Variants in TRIP12 observed in about 807,000 individuals in gnomAD.
The protein encoded by TRIP12 is thyroid hormone receptor interactor 12, also known as E3 ubiquitin-protein ligase TRIP12.
Under a neutral mutation model 244.2 loss-of-function variants are expected in TRIP12, and 25 were observed. That is an observed-to-expected ratio of 0.10 (90% CI 0.07 to 0.14). TRIP12 has a LOEUF of 0.14. TRIP12 is among the 10% of genes least tolerant of loss of function. The probability of loss-of-function intolerance (pLI) is 1.00; values close to 1 mark genes in which losing one functional copy is unlikely to be tolerated. For synonymous variants in TRIP12, 905 were observed against 873.1 expected (o/e 1.04, Z -0.64); for missense variants, 1,677 against 2,486.4 (o/e 0.67, Z 6.92).
At chr2:229,862,861 C>T (rs2060690485) in intron 2 of TRIP12, among the ~76,000 whole-genome samples, 1 of 152,176 alleles carries the variant, frequency 6.6e-6, no homozygotes, top group Non-Finnish European at 1.5e-5. Flanking sequence ...CATGTAAACT[C>T]TCTATATTAT....
intron 1 of TRIP12, among the ~76,000 whole-genome samples, chr2:229,900,381 T>G (rs957084645): frequency 1.3e-5 from 2 of 152,200 alleles, no homozygotes; most frequent in Non-Finnish European, 1.5e-5. Flanking sequence ...ATGTTTAAAT[T>G]CAAATAATTT....
chr2:229,864,047 A>AGAGAGAGAGAGTGT, intron 2 of TRIP12, among the ~76,000 whole-genome samples: 181 of 79,288 alleles, frequency 2.3e-3, no homozygotes, highest in South Asian at 4.1e-3. Flanking sequence ...AGAGAGAGAG[A>AGAGAGAGAGAGTGT]GTGTGTGTGT....
chr2:229,910,186 C>A (rs2073990595), intron 1 of TRIP12, among the ~76,000 whole-genome samples: 1 of 152,188 alleles, frequency 6.6e-6, no homozygotes, highest in Admixed American at 6.5e-5. Flanking sequence ...AACTTTACAA[C>A]TGTCTGAAGA....
chr2:229,923,119 A>T (rs903872417), upstream of TRIP12: 1 of 154,030 alleles, frequency 6.5e-6, no homozygotes, highest in Admixed American at 6.5e-5. Context: ...AGTTATTTCT[A>T]GTAGCAACTG....
chr2:229,803,520 T>G (rs747975721), intron 20 of TRIP12, 51 bp downstream of exon 20: 1 of 1,206,794 alleles, frequency 8.3e-7, no homozygotes, highest in African/African-American at 1.5e-5. Context: ...AAACTTTATT[T>G]CTGTTGAAGT....
chr2:229,792,329 A>AGGTTGAGTATCCCTTATCTGAAAT, intron 27 of TRIP12, 103 bp from the exon 28 acceptor site: 1 of 1,100,186 alleles, frequency 9.1e-7, no homozygotes, highest in East Asian at 2.3e-5. Flanking sequence ...AAACACATAT[A>AGGTTGAGTATCCCTTATCTGAAAT]GGTTGAGTAT....
chr2:229,872,104 TAA>T lies in TRIP12; in HGVS notation c.98+7876_98+7877del, dbSNP rs34496202. ...AATATAGTTTTAATGACAGATATTG[TAA>T]AAAAAAAAAAAAAAAAAAAAAAAAA... On this transcript the variant is annotated intron_variant, in intron 2 of 41. Transcript: ENST00000675903. Among the ~76,000 whole-genome samples the T allele has an allele frequency of 7.0e-3, 738 of 105,246 alleles. 11 individuals carry two copies. Among genetic ancestry groups the T allele is most frequent in the South Asian group, 0.023 (69 of 3,046 alleles). 69.0% of individuals were successfully genotyped at this position (105,246 alleles called of 152,430 possible). A position where few individuals can be genotyped will look rare whatever the true frequency, so the allele number is the denominator to read the frequency against.
intron 9 of TRIP12, among the ~76,000 whole-genome samples, chr2:229,815,748 G>C (rs1052832836): frequency 2.6e-5 from 4 of 151,768 alleles, no homozygotes; most frequent in African/African-American, 7.3e-5. Context: ...TTAAACTCTT[G>C]TGAACAAGCT....
chr2:229,864,009 A>T (rs988732287), intron 2 of TRIP12, among the ~76,000 whole-genome samples: 1 of 91,254 alleles, frequency 1.1e-5, no homozygotes, highest in Non-Finnish European at 2.3e-5. Flanking sequence ...GGTGAAAGAG[A>T]GAGAGAGAGA....
rs373866354 is a variant in TRIP12 at position 229,774,214 on chromosome 2, G to C, written c.5577C>G (p.Gly1859=). ...QYALETLTMN[G]CSVEDLGLDF... ...CCAGTCCTAGATCTTCAACTGAGCA[G>C]CCATTCATAGTCAAGGTTTCTAATG... is the stretch of plus-strand genomic sequence containing the variant. The change falls in exon 38 of 42, where the codon GGC becomes GGG. Residue 1859 remains glycine, a synonymous_variant. Coordinates refer to ENST00000675903, the MANE Select transcript of TRIP12 (RefSeq NM_001348323.3). The C allele has an allele frequency of 1.2e-6, 2 of 1,614,144 alleles. No individual in the cohort carries two copies. Among genetic ancestry groups the C allele is most frequent in the Admixed American group, 3.3e-5 (2 of 60,030 alleles).
intron 1 of TRIP12, 112 bp from the exon 2 acceptor site, chr2:229,880,240 A>AC: frequency 1.5e-6 from 1 of 660,494 alleles, no homozygotes; most frequent in East Asian, 2.7e-5. Flanking sequence ...ATCTGATTTT[A>AC]CAGCCTTCAC....
chr2:229,883,511 G>A (rs1576607265), intron 1 of TRIP12, among the ~76,000 whole-genome samples: 1 of 152,168 alleles, frequency 6.6e-6, no homozygotes, highest in African/African-American at 2.4e-5. Flanking sequence ...TTAACTCCTA[G>A]TGTGAAACTA....
At position 229,851,037 on chromosome 2, in the gene TRIP12, A is replaced by G. The variant is rs559759138; in HGVS notation, c.1027+7735T>C. Reference sequence around the variant, plus strand: ...CTCCTGTGCAGCCCAAGCCTCCCCGACGAGCGCCGCCCCCTGCTCCAGGGC... The same window carrying G: ...CTCCTGTGCAGCCCAAGCCTCCCCGGCGAGCGCCGCCCCCTGCTCCAGGGC... On this transcript the variant is annotated intron_variant, in intron 4 of 41. Transcript: ENST00000675903. 6.6e-5 allele frequency among the ~76,000 whole-genome samples: 10 copies of G among 152,250 alleles called. No homozygotes were observed. In the East Asian group the frequency reaches 1.7e-3, roughly 27 times the overall value.
chr2:229,912,596 C>T (rs2074514374), intron 1 of TRIP12, among the ~76,000 whole-genome samples: 1 of 152,150 alleles, frequency 6.6e-6, no homozygotes, highest in African/African-American at 2.4e-5. Flanking sequence ...GTTTAAGCCC[C>T]TCTCTCTTCA....
At chr2:229,805,453 T>A (rs2045636731) in intron 18 of TRIP12, among the ~76,000 whole-genome samples, 1 of 152,110 alleles carries the variant, frequency 6.6e-6, no homozygotes, top group African/African-American at 2.4e-5. Flanking sequence ...GATCTAAAGG[T>A]ATAATAGTAA....
chr2:229,796,758 C>T lies in TRIP12; in HGVS notation c.3649G>A (p.Val1217Ile). 1 of 1,596,014 alleles carries T rather than the reference C, an allele frequency of 6.3e-7. No homozygotes were observed. Among genetic ancestry groups the T allele is most frequent in the East Asian group, 2.2e-5 (1 of 44,528 alleles). ...LQVDGGAECL[V>I]EIRSIVSESD... ...TCTGAGACTATGCTACGGATTTCTA[C>T]AAGGCACTCAGCTCCACCATCCACC... The change falls in exon 25 of 42, where the codon GTA becomes ATA. Residue 1217 changes from valine to isoleucine, a missense_variant. Physicochemically the swap from Val to Ile is conservative, Grantham distance 29. Transcript: ENST00000675903.
At position 229,767,550 on chromosome 2, in the gene TRIP12, A is replaced by G. The variant is rs2154220395; in HGVS notation, c.*4T>C. 1 of 1,596,086 alleles carries G rather than the reference A, an allele frequency of 6.3e-7. No individual in the cohort carries two copies. The highest frequency in any genetic ancestry group is 8.5e-7 in the Non-Finnish European group (1 of 1,170,988). ...ACAGGCAGACACTGCATTTCTTGCT[A>G]TGATCAGGAAAGATGGAACGACTGC... On this transcript the variant is annotated 3_prime_UTR_variant, in exon 42 of 42. Coordinates refer to ENST00000675903, the MANE Select transcript of TRIP12 (RefSeq NM_001348323.3).
intron 21 of TRIP12, among the ~76,000 whole-genome samples, chr2:229,801,689 A>G (rs2044388707): frequency 6.6e-6 from 1 of 152,248 alleles, no homozygotes; most frequent in African/African-American, 2.4e-5. Flanking sequence ...AGCATGGTAT[A>G]ACAAAGATTA....
intron 4 of TRIP12, among the ~76,000 whole-genome samples, chr2:229,845,303 G>A (rs775208473): frequency 8.5e-5 from 13 of 152,126 alleles, no homozygotes; most frequent in African/African-American, 2.4e-4. Flanking sequence ...AATTCAGACC[G>A]TAAGTCATTA....
Sources: allele counts gnomAD v4.1 joint callset (sites outside exome capture counted in the v4.1 genomes callset), GRCh38; gene constraint gnomAD v4.1.1; transcripts MANE v1.5; gene names NCBI Gene and HGNC (gene_info 2026-07-23, HGNC 2026-07-21).